CSNK2A2: variants seen among roughly 807,000 people sequenced by gnomAD.
CSNK2A2 encodes casein kinase 2 alpha 2.
CSNK2A2 carries 8 observed loss-of-function variants against 54.0 expected under a neutral mutation model. That is an observed-to-expected ratio of 0.15 (90% CI 0.09 to 0.27). The LOEUF is 0.27. Ranked by LOEUF, CSNK2A2 falls within the 10% of genes least tolerant of loss-of-function variation. The probability of loss-of-function intolerance (pLI) is 1.00; values close to 1 mark genes in which losing one functional copy is unlikely to be tolerated. For synonymous variants in CSNK2A2, 141 were observed against 153.9 expected (o/e 0.92, Z 0.62); for missense variants, 242 against 439.4 (o/e 0.55, Z 4.02).
intron 2 of CSNK2A2, among the ~76,000 whole-genome samples, chr16:58,191,628 G>C (rs988213573): frequency 1.3e-5 from 2 of 152,140 alleles, no homozygotes; most frequent in African/African-American, 4.8e-5. Flanking sequence ...CTACCAAAGG[G>C]CTGGGATTAC....
rs550139957 is a variant in CSNK2A2, at chr16:58,188,356, T to C, written c.217-1500A>G. Among the ~76,000 whole-genome samples, 6 of 152,308 alleles carry C rather than the reference T, an allele frequency of 3.9e-5. No individual in the cohort carries two copies. In the South Asian group the frequency reaches 1.2e-3, roughly 32 times the overall value. On this transcript the variant is annotated intron_variant, in intron 2 of 11. Coordinates refer to ENST00000262506, the MANE Select transcript of CSNK2A2 (RefSeq NM_001896.4). ...ACCTTACTCCTTAGTCCCTTTTTCA[T>C]TAACGAGGGAGCTCGAAACTTTGGG...
intron 2 of CSNK2A2, among the ~76,000 whole-genome samples, chr16:58,191,710 G>C (rs1289907171): frequency 2.0e-5 from 3 of 152,072 alleles, no homozygotes; most frequent in Non-Finnish European, 4.4e-5. Context: ...GCAAGGCATA[G>C]AGCAGACCCT....
chr16:58,171,217 A>G (rs1259051164), intron 5 of CSNK2A2, among the ~76,000 whole-genome samples: 2 of 152,104 alleles, frequency 1.3e-5, no homozygotes, highest in Non-Finnish European at 2.9e-5. Flanking sequence ...CTGAACCAAG[A>G]GTATACAATA....
intron 5 of CSNK2A2, among the ~76,000 whole-genome samples, chr16:58,169,019 C>T (rs1351043970): frequency 3.9e-5 from 6 of 151,938 alleles, no homozygotes; most frequent in Admixed American, 1.3e-4. Flanking sequence ...CTCTGCCTCC[C>T]GGGTTCACGC....
intron 11 of CSNK2A2, chr16:58,163,688 G>C (rs1196129473): frequency 6.3e-6 from 1 of 157,614 alleles, no homozygotes; most frequent in East Asian, 1.8e-4. Context: ...AGGAAACCCA[G>C]ACCACAATGG....
At chr16:58,164,298 C>G (rs1157941835) in intron 10 of CSNK2A2, 151 bp from the exon 11 acceptor site, 2 of 604,558 alleles carry the variant, frequency 3.3e-6, no homozygotes, top group Non-Finnish European at 5.8e-6. Flanking sequence ...TCACGGAATT[C>G]CAGCCATATA....
chr16:58,186,943 T>C (rs545538278), intron 2 of CSNK2A2, 87 bp from the exon 3 acceptor site: 17 of 1,015,680 alleles, frequency 1.7e-5, no homozygotes, highest in Middle Eastern at 4.4e-4. Context: ...ATCAGATGGA[T>C]AGTACGCTAT....
intron 4 of CSNK2A2, among the ~76,000 whole-genome samples, chr16:58,175,120 C>A (rs189900525): frequency 6.6e-6 from 1 of 152,210 alleles, no homozygotes; most frequent in East Asian, 1.9e-4. Flanking sequence ...CAACACCTGA[C>A]GTCTTAGGAG....
intron 3 of CSNK2A2, among the ~76,000 whole-genome samples, chr16:58,185,032 A>C (rs971447984): frequency 3.3e-5 from 5 of 152,226 alleles, no homozygotes; most frequent in African/African-American, 1.2e-4. Context: ...AAAGTGCTCA[A>C]TATCATCTTG....
At chr16:58,191,879 A>G (rs1023190611) in intron 2 of CSNK2A2, among the ~76,000 whole-genome samples, 1 of 152,180 alleles carries the variant, frequency 6.6e-6, no homozygotes, top group African/African-American at 2.4e-5. Context: ...TTAGATGAGC[A>G]CTATTAACAG....
At chr16:58,192,989 T>C (rs947589302) in intron 2 of CSNK2A2, 4 of 152,272 alleles carry the variant, frequency 2.6e-5, no homozygotes, top group African/African-American at 9.6e-5. Context: ...GACTCCCCAG[T>C]ACAATGCTGG....
chr16:58,188,955 CTTT>C (rs57552824), intron 2 of CSNK2A2, among the ~76,000 whole-genome samples: 18 of 99,612 alleles, frequency 1.8e-4, no homozygotes, highest in East Asian at 3.0e-4. Flanking sequence ...TAAAAACTGG[CTTT>C]TTTTTTTTTT....
intron 4 of CSNK2A2, among the ~76,000 whole-genome samples, chr16:58,178,913 T>A (rs1440141963): frequency 1.3e-5 from 2 of 152,216 alleles, no homozygotes; most frequent in Non-Finnish European, 2.9e-5. Flanking sequence ...TCACGTTCTC[T>A]GAACATAGTG....
At chr16:58,190,663 C>A (rs1308842443) in intron 2 of CSNK2A2, among the ~76,000 whole-genome samples, 1 of 152,098 alleles carries the variant, frequency 6.6e-6, no homozygotes, top group Non-Finnish European at 1.5e-5. Flanking sequence ...TTTAAAAAGG[C>A]AAGGCATAAA....
rs781722523 is a variant in CSNK2A2, at chr16:58,197,587, G to A, written c.104+46C>T. 7.4e-7 allele frequency: 1 copy of A among 1,356,442 alleles called. No individual in the cohort carries two copies. The highest frequency in any genetic ancestry group is 1.0e-6 in the Non-Finnish European group (1 of 992,796). 84.0% of individuals were successfully genotyped at this position (1,356,442 alleles called of 1,614,324 possible). A position where few individuals can be genotyped will look rare whatever the true frequency, so the allele number is the denominator to read the frequency against. On this transcript the variant is annotated intron_variant, in intron 1 of 11. Coordinates refer to ENST00000262506, the MANE Select transcript of CSNK2A2 (RefSeq NM_001896.4). The surrounding 1 kb of genome is among the most constrained non-coding windows in gnomAD (Gnocchi z 4.0). ...TGCGGTTCGCAGGGGGTGGCCGGGC[G>A]GGGGCAGGGATCAGCGGGCCCGGCG...
intron 11 of CSNK2A2, chr16:58,160,216 C>G (rs1961295231): frequency 6.6e-6 from 1 of 151,672 alleles, no homozygotes; most frequent in Non-Finnish European, 1.5e-5. Context: ...AGATCACTGA[C>G]AAACTTTGGC....
At chr16:58,171,068 T>A (rs1345701443) in intron 5 of CSNK2A2, among the ~76,000 whole-genome samples, 2 of 152,084 alleles carry the variant, frequency 1.3e-5, no homozygotes, top group Non-Finnish European at 2.9e-5. Context: ...GGGGACAAGC[T>A]TGACCTGGAT....
At chr16:58,175,303 G>T (rs1490623087) in intron 4 of CSNK2A2, among the ~76,000 whole-genome samples, 1 of 152,120 alleles carries the variant, frequency 6.6e-6, no homozygotes, top group Non-Finnish European at 1.5e-5. Flanking sequence ...CCCTTGTCAG[G>T]AACTCTCATT....
At chr16:58,164,336 G>A (rs1007029337) in intron 10 of CSNK2A2, among the ~76,000 whole-genome samples, 189 bp from the exon 11 acceptor site, 5 of 152,150 alleles carry the variant, frequency 3.3e-5, no homozygotes, top group African/African-American at 1.2e-4. Context: ...AATGATCAGG[G>A]AAATTGTTAT....
Sources: allele counts gnomAD v4.1 joint callset (sites outside exome capture counted in the v4.1 genomes callset), GRCh38; gene constraint gnomAD v4.1.1; non-coding constraint Gnocchi (gnomAD v3.1); transcripts MANE v1.5; gene names NCBI Gene and HGNC (gene_info 2026-07-23, HGNC 2026-07-21).